KIF1A: variants seen among roughly 807,000 people sequenced by gnomAD.
The protein encoded by KIF1A is kinesin-like protein KIF1A.
A neutral mutation model predicts 227.3 loss-of-function variants in KIF1A; 46 were observed. The observed-to-expected ratio is 0.20, with a 90% confidence interval of 0.16 to 0.26. The LOEUF is 0.26. Among genes scored for constraint, KIF1A ranks in the 10% least tolerant of loss-of-function variants. The pLI is 1.00. For missense variants in KIF1A, 1,683 were observed against 2,485.9 expected, an observed-to-expected ratio of 0.68 and a Z score of 6.87; for synonymous variants, 1,022 against 1,012.8, an observed-to-expected ratio of 1.01 and a Z score of -0.17.
chr2:240,750,103 C>G (rs2049040853), intron 28 of KIF1A, among the ~76,000 whole-genome samples: 1 of 152,266 alleles, frequency 6.6e-6, no homozygotes, highest in Admixed American at 6.5e-5. Context: ...CCAACCAGAG[C>G]AGGCTCAGAT....
At position 240,739,427 on chromosome 2, in the gene KIF1A, T is replaced by A. The variant is rs910083292; in HGVS notation, c.3901+631A>T. Among the ~76,000 whole-genome samples the A allele has an allele frequency of 2.6e-5, 4 of 152,156 alleles. No individual in the cohort carries two copies. Among genetic ancestry groups the A allele is most frequent in the Non-Finnish European group, 5.9e-5 (4 of 68,038 alleles). On this transcript the variant is annotated intron_variant, in intron 37 of 48. Coordinates refer to ENST00000498729, the MANE Select transcript of KIF1A (RefSeq NM_001244008.2). The surrounding 1 kb of genome is among the most constrained non-coding windows in gnomAD (Gnocchi z 5.6). The stretch of plus-strand genomic sequence containing the variant: ...GGAGGAATTGTGTCCCCGAAAAATA[T>A]ACGTGGAAGTCCTAACCTCCAGGAC...
At chr2:240,750,203 C>T (rs898765931) in intron 28 of KIF1A, among the ~76,000 whole-genome samples, 4 of 152,192 alleles carry the variant, frequency 2.6e-5, no homozygotes, top group African/African-American at 9.7e-5. Flanking sequence ...GGGGCTTCCC[C>T]TCCAGGGCCC....
chr2:240,761,842 T>C (rs897858797), intron 23 of KIF1A, among the ~76,000 whole-genome samples: 1 of 151,948 alleles, frequency 6.6e-6, no homozygotes, highest in Non-Finnish European at 1.5e-5. Flanking sequence ...CCACACACCA[T>C]CTGGGGCCAG....
At chr2:240,777,389 G>A (rs1012201269) in intron 10 of KIF1A, among the ~76,000 whole-genome samples, 2 of 152,146 alleles carry the variant, frequency 1.3e-5, no homozygotes, top group Non-Finnish European at 2.9e-5. Context: ...TGAATTCTCT[G>A]CTATGTGTCA....
At chr2:240,772,984 G>T in intron 13 of KIF1A, 130 bp downstream of exon 13, 1 of 991,132 alleles carries the variant, frequency 1.0e-6, no homozygotes, top group Non-Finnish European at 1.5e-6. Flanking sequence ...TGGGAGCGGT[G>T]TGGAGCTGCC....
chr2:240,728,193 G>A (rs371971904), intron 38 of KIF1A, among the ~76,000 whole-genome samples: 16 of 152,322 alleles, frequency 1.1e-4, no homozygotes, highest in African/African-American at 3.4e-4. Context: ...CTCACAAGTC[G>A]GGGGTGTGGA....
intron 17 of KIF1A, among the ~76,000 whole-genome samples, chr2:240,768,922 C>T (rs1033329896): frequency 6.6e-6 from 1 of 152,180 alleles, no homozygotes; most frequent in Non-Finnish European, 1.5e-5. Flanking sequence ...GTCCCAAAGC[C>T]ACCAGCATGC....
rs192102667 is a variant in KIF1A at position 240,757,364 on chromosome 2, C to G, written c.2813G>C (p.Arg938Pro). ...GGGGGGCCGGTCGTAAAACGGGTCC[C>G]GGCCGTCGCACAGCGCGTGCTCCGG... Reference protein sequence around the residue: ...VFPEHALCDGRDPFYDRPPLF... With the variant: ...VFPEHALCDGPDPFYDRPPLF... Residue 938 changes from arginine (R) to proline (P), a missense_variant, in exon 27 of 49, where the codon CGG (arginine) becomes CCG (proline). By Grantham distance (103) the Arg-to-Pro change is moderately radical. Around this residue, in one of 12 missense-constraint regions of KIF1A, gnomAD observed 759 missense variants for 1,020.2 expected, o/e 0.74. Transcript: ENST00000498729. The surrounding 1 kb of genome is among the most constrained non-coding windows in gnomAD (Gnocchi z 6.2). The G allele has an allele frequency of 6.4e-7, 1 of 1,550,544 alleles. No individual in the cohort carries two copies. Among genetic ancestry groups the G allele is most frequent in the Non-Finnish European group, 8.7e-7 (1 of 1,147,066 alleles).
At chr2:240,773,387 C>T in intron 12 of KIF1A, 131 bp from the exon 13 acceptor site, 1 of 1,115,140 alleles carries the variant, frequency 9.0e-7, no homozygotes, top group South Asian at 1.5e-5. Context: ...GGACCTGAGC[C>T]AGCACAGCCT....
intron 2 of KIF1A, among the ~76,000 whole-genome samples, chr2:240,794,727 G>A (rs1411459935): frequency 1.3e-5 from 2 of 152,172 alleles, no homozygotes; most frequent in South Asian, 2.1e-4. Flanking sequence ...GGCCTCACAC[G>A]TCTCATATCC....
At chr2:240,761,472 A>T (rs2050522291) in intron 23 of KIF1A, 95 bp from the exon 24 acceptor site, 1 of 1,236,088 alleles carries the variant, frequency 8.1e-7, no homozygotes, top group Non-Finnish European at 1.1e-6. Context: ...CGGCCACTCC[A>T]TGGGGCTGCC....
upstream of KIF1A, chr2:240,820,224 G>C (rs2058637564): frequency 6.7e-6 from 1 of 149,492 alleles, no homozygotes; most frequent in African/African-American, 2.4e-5. This position sits in a 1 kb window ranked among gnomAD's most constrained non-coding sequence, Gnocchi z 6.2. Context: ...CGCTGTGACG[G>C]CGCCGCCGCG....
At chr2:240,753,632 C>T (rs1355948300) in intron 27 of KIF1A, among the ~76,000 whole-genome samples, 1 of 152,188 alleles carries the variant, frequency 6.6e-6, no homozygotes, top group Non-Finnish European at 1.5e-5. Context: ...GGCGAGCACA[C>T]AGGGCCTTTT....
intron 25 of KIF1A, among the ~76,000 whole-genome samples, chr2:240,760,387 G>T (rs1456584700): frequency 6.6e-6 from 1 of 152,258 alleles, no homozygotes; most frequent in Admixed American, 6.5e-5. Flanking sequence ...TGACCCCTGT[G>T]GGCCTAGGGA....
In KIF1A at chr2:240,783,197, G is replaced by T. The variant is rs964136608; in HGVS notation, c.799-88C>A. ...GGGATGCCCTGGGTGGACCTGTGCAGTGTGGAGTGGAGGCCACCACTGCAG... is the reference window on the plus strand; with the variant it reads ...GGGATGCCCTGGGTGGACCTGTGCATTGTGGAGTGGAGGCCACCACTGCAG... On this transcript the variant is annotated intron_variant, in intron 8 of 48. Coordinates refer to ENST00000498729, the MANE Select transcript of KIF1A (RefSeq NM_001244008.2). The T allele has an allele frequency of 2.9e-6, 3 of 1,018,008 alleles. No homozygotes were observed. In the African/African-American group the frequency reaches 4.7e-5, roughly 16 times the overall value. 63.1% of individuals were successfully genotyped at this position (1,018,008 alleles called of 1,614,324 possible). A position where few individuals can be genotyped will look rare whatever the true frequency, so the allele number is the denominator to read the frequency against.
chr2:240,772,442 C>A, intron 14 of KIF1A, 128 bp downstream of exon 14: 1 of 751,270 alleles, frequency 1.3e-6, no homozygotes, highest in Non-Finnish European at 2.3e-6. Context: ...GCTTTCTGCC[C>A]CCCAAAAAGG....
chr2:240,794,533 A>T (rs912597472), intron 2 of KIF1A, among the ~76,000 whole-genome samples: 1 of 152,194 alleles, frequency 6.6e-6, no homozygotes, highest in Non-Finnish European at 1.5e-5. Flanking sequence ...ACAAACTTTC[A>T]GGAGCACTCA....
chr2:240,743,358 G>C (rs1034020661), intron 33 of KIF1A, among the ~76,000 whole-genome samples: 1 of 152,236 alleles, frequency 6.6e-6, no homozygotes, highest in Non-Finnish European at 1.5e-5. Context: ...TGGGAAGAAA[G>C]GGCCCACCCG....
At position 240,772,567 on chromosome 2, in the gene KIF1A, C is replaced by T; in HGVS notation, c.1207+3G>A. 2 of 1,548,508 alleles carry T rather than the reference C, an allele frequency of 1.3e-6. No homozygotes were observed. The highest frequency in any genetic ancestry group is 1.7e-6 in the Non-Finnish European group (2 of 1,145,296). ...TGCAGAGAGCAGCAAAGGGAATACA[C>T]ACATTTGGGTCCTCCAGGCACAGTG... On this transcript the variant is annotated splice_donor_region_variant and intron_variant, in intron 14 of 48. Coordinates refer to ENST00000498729, the MANE Select transcript of KIF1A (RefSeq NM_001244008.2).
Sources: gnomAD v4.1 joint callset for allele counts (sites outside exome capture counted in the v4.1 genomes callset) on GRCh38, gnomAD v4.1.1 for gene constraint, gnomAD v4.1.1 regional missense constraint, Gnocchi (gnomAD v3.1) non-coding constraint, MANE v1.5 for transcripts, NCBI Gene and HGNC (gene_info 2026-07-23, HGNC 2026-07-21) for gene names.